Variants in NRXN1 observed in about 807,000 individuals in gnomAD.
The protein encoded by NRXN1 is neurexin 1.
Under a neutral mutation model 150.9 loss-of-function variants are expected in NRXN1, and 39 were observed. The observed-to-expected ratio is 0.26, with a 90% CI of 0.20 to 0.34. The LOEUF (loss-of-function observed/expected upper bound fraction) is 0.34, where lower values mean the gene tolerates loss of function less well. Among genes scored for constraint, NRXN1 ranks in the 10% least tolerant of loss-of-function variants. The pLI, the probability that NRXN1 is intolerant of heterozygous loss-of-function variation, is 1.00. For synonymous variants in NRXN1, 924 were observed against 757.0 expected (o/e 1.22, Z -3.62); for missense variants, 1,815 against 1,949.9 (o/e 0.93, Z 1.30).
intron 12 of NRXN1, among the ~76,000 whole-genome samples, chr2:50,519,939 T>C (rs976332281): frequency 6.6e-6 from 1 of 151,936 alleles, no homozygotes; most frequent in African/African-American, 2.4e-5. Flanking sequence ...ATAGATTACA[T>C]TTAAAAATAT....
rs1207288960 is a variant in NRXN1 at position 50,623,443 on chromosome 2, C to T, written c.1005G>A (p.Leu335=). The T allele has an allele frequency of 6.2e-7, 1 of 1,613,322 alleles. No individual in the cohort carries two copies. Among genetic ancestry groups the T allele is most frequent in the Non-Finnish European group, 8.5e-7 (1 of 1,179,546 alleles). The change falls in exon 6 of 23, where the codon CTG becomes CTA. Residue 335 remains leucine (L), a synonymous_variant. Transcript: ENST00000401669. ...GKSADYVNLA[L]KNGAVSLVIN... ...TGACCAGAGAGACAGCTCCATTTTTCAGGGCAAGATTGACATAATCAGCCG... is the reference window on the plus strand; with the variant it reads ...TGACCAGAGAGACAGCTCCATTTTTTAGGGCAAGATTGACATAATCAGCCG...
chr2:50,644,152 T>A (rs1573940198), intron 5 of NRXN1, among the ~76,000 whole-genome samples: 2 of 151,344 alleles, frequency 1.3e-5, no homozygotes, highest in African/African-American at 2.4e-5. Flanking sequence ...AGGATCTTCA[T>A]GTGGAAAAAA....
intron 17 of NRXN1, among the ~76,000 whole-genome samples, chr2:50,334,549 C>T (rs1379561359): frequency 6.6e-6 from 1 of 152,136 alleles, no homozygotes; most frequent in Admixed American, 6.5e-5. Context: ...ACTGCCCTAG[C>T]ACAGATTGCT....
In NRXN1 at chr2:50,550,730, G is replaced by A. The variant is rs529299572; in HGVS notation, c.1759+1857C>T. 7.4e-5 allele frequency among the ~76,000 whole-genome samples: 11 copies of A among 147,706 alleles called. 1 individual carries two copies. In the South Asian group the frequency reaches 2.3e-3, roughly 31 times the overall value. The stretch of plus-strand genomic sequence containing the variant: ...ACAGTCTCACTCTATCTCCCAGGCT[G>A]GAGTGCCGCGGCCCGATCTCGGCTC... On this transcript the variant is annotated intron_variant, in intron 9 of 22. Coordinates refer to ENST00000401669, the MANE Select transcript of NRXN1 (RefSeq NM_001330078.2).
chr2:50,583,735 T>G (rs1384329571), intron 8 of NRXN1, among the ~76,000 whole-genome samples: 1 of 152,186 alleles, frequency 6.6e-6, no homozygotes, highest in Non-Finnish European at 1.5e-5. Flanking sequence ...TCTCCCAATC[T>G]AGAATTTTCT....
At chr2:50,738,126 C>G (rs899993440) in intron 5 of NRXN1, among the ~76,000 whole-genome samples, 10 of 152,178 alleles carry the variant, frequency 6.6e-5, no homozygotes, top group African/African-American at 2.4e-4. Flanking sequence ...TGTTTCAGAT[C>G]ATGTTAACTT....
chr2:50,224,693 AAGAGAGAGAGAGAGAGAG>A (rs201700032), intron 18 of NRXN1, among the ~76,000 whole-genome samples: 31 of 130,506 alleles, frequency 2.4e-4, no homozygotes, highest in Non-Finnish European at 3.0e-4. Context: ...GAGAGGGAGA[AAGAGAGAGAGAGAGAGAG>A]AGAGAGAGAG....
chr2:50,185,065 G>A (rs2060977758), intron 18 of NRXN1, among the ~76,000 whole-genome samples: 1 of 152,032 alleles, frequency 6.6e-6, no homozygotes, highest in Non-Finnish European at 1.5e-5. Flanking sequence ...ATATGTGAAA[G>A]GTTTCAAGTC....
intron 5 of NRXN1, among the ~76,000 whole-genome samples, chr2:50,705,299 T>C (rs1694282217): frequency 6.6e-6 from 1 of 152,290 alleles, no homozygotes; most frequent in South Asian, 2.1e-4. Context: ...ATCAATTTTA[T>C]TTAAACAAAT....
intron 17 of NRXN1, among the ~76,000 whole-genome samples, chr2:50,369,442 A>G (rs1017865607): frequency 2.6e-5 from 4 of 151,974 alleles, no homozygotes; most frequent in Non-Finnish European, 4.4e-5. Flanking sequence ...TCCATGCCAA[A>G]TCACATGGAT....
chr2:50,450,438 G>GAA (rs10568240), intron 17 of NRXN1, among the ~76,000 whole-genome samples: 5 of 143,062 alleles, frequency 3.5e-5, no homozygotes, highest in Admixed American at 2.1e-4. Flanking sequence ...GAGCAAAACA[G>GAA]AAAAAAAAAA....
chr2:50,213,038 T>C (rs1715983), intron 18 of NRXN1, among the ~76,000 whole-genome samples: 55,332 of 151,664 alleles, frequency 0.36, 10,755 homozygotes, highest in Non-Finnish European at 0.43. Flanking sequence ...GTTCTGTCTT[T>C]ATAATTGCTC....
chr2:50,539,933 C>T (rs532781402), intron 9 of NRXN1, among the ~76,000 whole-genome samples: 2 of 152,204 alleles, frequency 1.3e-5, no homozygotes, highest in Admixed American at 6.5e-5. Flanking sequence ...ATACCAAAAG[C>T]CCGCCCCAAG....
intron 5 of NRXN1, among the ~76,000 whole-genome samples, chr2:50,706,823 T>C (rs1694512106): frequency 6.6e-6 from 1 of 152,096 alleles, no homozygotes. Context: ...TTTTTTTTTT[T>C]TTTGCTACAA....
chr2:51,025,420 G>T (rs551112264), intron 2 of NRXN1, among the ~76,000 whole-genome samples: 4 of 152,034 alleles, frequency 2.6e-5, no homozygotes, highest in Non-Finnish European at 5.9e-5. Context: ...ACTCTTAACT[G>T]TTCCTGATTA....
chr2:50,236,694 G>C, intron 18 of NRXN1, 95 bp downstream of exon 18: 9 of 1,074,280 alleles, frequency 8.4e-6, no homozygotes, highest in Non-Finnish European at 1.3e-5. Context: ...ACTGGTTTCT[G>C]GGGGAAGGAA....
At chr2:50,954,492 T>C (rs1262891726) in intron 2 of NRXN1, among the ~76,000 whole-genome samples, 2 of 152,150 alleles carry the variant, frequency 1.3e-5, no homozygotes, top group Non-Finnish European at 2.9e-5. Context: ...AACAGGGACA[T>C]GCAGGAATTA....
At chr2:50,263,191 C>T (rs867621523) in intron 17 of NRXN1, among the ~76,000 whole-genome samples, 1 of 149,168 alleles carries the variant, frequency 6.7e-6, no homozygotes, top group African/African-American at 2.5e-5. Flanking sequence ...CACACACACA[C>T]ACATACACAA....
intron 2 of NRXN1, among the ~76,000 whole-genome samples, chr2:51,022,746 C>T (rs17574342): frequency 0.22 from 33,154 of 152,108 alleles, 3,975 homozygotes; most frequent in Non-Finnish European, 0.28. Flanking sequence ...TGAAAACAAT[C>T]TTACAAAGAT....
Sources: allele counts gnomAD v4.1 joint callset (sites outside exome capture counted in the v4.1 genomes callset), GRCh38; gene constraint gnomAD v4.1.1; transcripts MANE v1.5; gene names NCBI Gene and HGNC (gene_info 2026-07-23, HGNC 2026-07-21).